Variants in GALNT7 observed in about 807,000 individuals in gnomAD.
GALNT7 encodes polypeptide N-acetylgalactosaminyltransferase 7.
Under a neutral mutation model 82.1 loss-of-function variants are expected in GALNT7, and 60 were observed. That is an observed-to-expected ratio of 0.73 (90% CI 0.59 to 0.91). The LOEUF is 0.91. Ranked by LOEUF, GALNT7 falls within the 40% of genes least tolerant of loss-of-function variation. GALNT7 has a pLI of 0.00. For synonymous variants in GALNT7, 243 were observed against 275.1 expected (o/e 0.88, Z 1.15); for missense variants, 660 against 804.2 (o/e 0.82, Z 2.17).
At chr4:173,319,180 A>C (rs1561203812) in intron 11 of GALNT7, among the ~76,000 whole-genome samples, 1 of 152,156 alleles carries the variant, frequency 6.6e-6, no homozygotes, top group Admixed American at 6.5e-5. Flanking sequence ...GGATTACAAC[A>C]TATTAATAGA....
intron 2 of GALNT7, among the ~76,000 whole-genome samples, chr4:173,253,984 T>A (rs2126750146): frequency 6.6e-6 from 1 of 152,376 alleles, no homozygotes; most frequent in Non-Finnish European, 1.5e-5. Context: ...GGAGGTATTC[T>A]GATTCAAACA....
chr4:173,171,948 GA>G (rs1675145988), intron 1 of GALNT7, among the ~76,000 whole-genome samples: 1 of 152,190 alleles, frequency 6.6e-6, no homozygotes, highest in Non-Finnish European at 1.5e-5. Flanking sequence ...CTTACTTGAA[GA>G]AATGACTATT....
chr4:173,242,036 C>T (rs146931173), intron 1 of GALNT7, among the ~76,000 whole-genome samples: 11 of 152,248 alleles, frequency 7.2e-5, no homozygotes, highest in African/African-American at 2.4e-4. Flanking sequence ...AACTTTGGGA[C>T]GAACTGGTTT....
chr4:173,253,031 C>T (rs1171090086), intron 2 of GALNT7, among the ~76,000 whole-genome samples: 1 of 152,058 alleles, frequency 6.6e-6, no homozygotes, highest in Non-Finnish European at 1.5e-5. Context: ...AAAACCCCAT[C>T]TCTACCAAAA....
chr4:173,194,440 C>G (rs1029887223), intron 1 of GALNT7, among the ~76,000 whole-genome samples: 1 of 152,138 alleles, frequency 6.6e-6, no homozygotes, highest in Admixed American at 6.5e-5. Flanking sequence ...GTCAACACGT[C>G]CACATTTGCA....
At chr4:173,218,096 C>G (rs559992631) in intron 1 of GALNT7, among the ~76,000 whole-genome samples, 93 of 152,242 alleles carry the variant, frequency 6.1e-4, no homozygotes, top group African/African-American at 2.1e-3. Context: ...ATTTCAATAC[C>G]TTATGCTATT....
At chr4:173,210,648 G>T (rs557957389) in intron 1 of GALNT7, among the ~76,000 whole-genome samples, 4 of 151,870 alleles carry the variant, frequency 2.6e-5, no homozygotes, top group Admixed American at 6.6e-5. Context: ...GCCCAAGCTG[G>T]TCTGGAACTC....
chr4:173,239,570 A>AAAACAAAC (rs1734352474), intron 1 of GALNT7, among the ~76,000 whole-genome samples: 2 of 152,194 alleles, frequency 1.3e-5, no homozygotes, highest in Non-Finnish European at 2.9e-5. Flanking sequence ...CAAAACAAAC[A>AAAACAAAC]AACAAAACAG....
At chr4:173,214,621 G>A (rs1733383487) in intron 1 of GALNT7, among the ~76,000 whole-genome samples, 1 of 152,130 alleles carries the variant, frequency 6.6e-6, no homozygotes, top group Admixed American at 6.6e-5. Context: ...GAAGTGCTTG[G>A]TGCATGTATA....
intron 2 of GALNT7, among the ~76,000 whole-genome samples, chr4:173,265,153 G>T (rs1383443339): frequency 5.3e-5 from 8 of 152,198 alleles, no homozygotes; most frequent in Non-Finnish European, 1.2e-4. Flanking sequence ...AGCAGGCAGG[G>T]GACCAGATGG....
intron 1 of GALNT7, among the ~76,000 whole-genome samples, chr4:173,241,673 C>G (rs1207507166): frequency 6.6e-6 from 1 of 152,150 alleles, no homozygotes; most frequent in Non-Finnish European, 1.5e-5. Context: ...CTCTGGTCCC[C>G]AGGCTGGAGT....
chr4:173,237,761 A>T (rs1490088523), intron 1 of GALNT7, among the ~76,000 whole-genome samples: 7 of 51,850 alleles, frequency 1.4e-4, no homozygotes, highest in Admixed American at 9.9e-4. Context: ...CCCTGGATTA[A>T]AAAAAAAAAA....
intron 1 of GALNT7, among the ~76,000 whole-genome samples, chr4:173,201,750 T>A (rs948627431): frequency 6.6e-6 from 1 of 152,206 alleles, no homozygotes; most frequent in African/African-American, 2.4e-5. Context: ...CTGTGTTAAT[T>A]AGCTTGAAGT....
At chr4:173,312,722 G>C (rs1257496009) in intron 8 of GALNT7, among the ~76,000 whole-genome samples, 1 of 152,226 alleles carries the variant, frequency 6.6e-6, no homozygotes, top group East Asian at 1.9e-4. Context: ...AGCTATCACA[G>C]TGTCAGCATA....
chr4:173,236,105 A>G (rs1231419833), intron 1 of GALNT7, among the ~76,000 whole-genome samples: 1 of 152,184 alleles, frequency 6.6e-6, no homozygotes, highest in African/African-American at 2.4e-5. Context: ...GGGATCACAA[A>G]AATGCTTTGT....
At chr4:173,198,985 G>T (rs917554144) in intron 1 of GALNT7, among the ~76,000 whole-genome samples, 1 of 152,198 alleles carries the variant, frequency 6.6e-6, no homozygotes, top group East Asian at 1.9e-4. Context: ...TTGGAGGGTA[G>T]AACCTTCTAG....
chr4:173,294,646 T>A (rs1175048410), intron 3 of GALNT7, among the ~76,000 whole-genome samples: 1 of 152,130 alleles, frequency 6.6e-6, no homozygotes. Flanking sequence ...GTGAGCTAAT[T>A]TCATGGGCTC....
intron 1 of GALNT7, among the ~76,000 whole-genome samples, chr4:173,185,781 G>A (rs906097543): frequency 3.3e-5 from 5 of 152,148 alleles, no homozygotes; most frequent in Middle Eastern, 3.4e-3. Flanking sequence ...TGTATGAACC[G>A]TGTGCTAGTC....
rs188795500 is a variant in GALNT7 at position 173,172,238 on chromosome 4, C to T, written c.126+3277C>T. Among the ~76,000 whole-genome samples, 445 of 152,312 alleles carry T rather than the reference C, an allele frequency of 2.9e-3. 8 individuals carry two copies. Among genetic ancestry groups the T allele is most frequent in the East Asian group, 7.0e-3 (36 of 5,178 alleles). ...TGCGTTTCTTCTCCCGTGATTCTTC[C>T]CTTGGGGTGGGCTGTCTGCATGCGC... is the stretch of plus-strand genomic sequence containing the variant. On this transcript the variant is annotated intron_variant, in intron 1 of 11. Transcript: ENST00000265000.
Sources: gnomAD v4.1 joint callset for allele counts (sites outside exome capture counted in the v4.1 genomes callset) on GRCh38, gnomAD v4.1.1 for gene constraint, MANE v1.5 for transcripts, NCBI Gene and HGNC (gene_info 2026-07-23, HGNC 2026-07-21) for gene names.